BCAR1: variants seen among roughly 807,000 people sequenced by gnomAD.
BCAR1 encodes breast cancer anti-estrogen resistance protein 1.
A neutral mutation model predicts 67.6 loss-of-function variants in BCAR1; 30 were observed. That is an observed-to-expected ratio of 0.44 (90% CI 0.33 to 0.60). The LOEUF (loss-of-function observed/expected upper bound fraction) is 0.60. Among genes scored for constraint, BCAR1 ranks in the 20% least tolerant of loss-of-function variants. The pLI is 0.02. For missense variants in BCAR1, 1,313 were observed against 1,222.3 expected, an observed-to-expected ratio of 1.07 and a Z score of -1.11; for synonymous variants, 626 against 556.7, an observed-to-expected ratio of 1.12 and a Z score of -1.75.
chr16:75,251,741 C>T (rs1051614766), upstream of BCAR1: 12 of 957,304 alleles, frequency 1.3e-5, no homozygotes, highest in African/African-American at 2.1e-4. Context: ...CTGTCGGGGG[C>T]GCGGGCGCGC....
chr16:75,249,982 G>C (rs572061606), intron 1 of BCAR1: 1 of 152,254 alleles, frequency 6.6e-6, no homozygotes, highest in Non-Finnish European at 1.5e-5. Flanking sequence ...CCGTATAATG[G>C]GAAAGGGGTT....
At chr16:75,248,577 G>A in intron 1 of BCAR1, 1 of 182,864 alleles carries the variant, frequency 5.5e-6, no homozygotes, top group South Asian at 1.2e-4. Context: ...TCCAGGACCT[G>A]CCAGCCTTAG....
chr16:75,240,427 G>A (rs1245014277), intron 2 of BCAR1, among the ~76,000 whole-genome samples: 1 of 152,182 alleles, frequency 6.6e-6, no homozygotes, highest in African/African-American at 2.4e-5. Context: ...CCAGCAGAGG[G>A]GGCAACCCAG....
chr16:75,240,518 G>C (rs915974013), intron 2 of BCAR1, among the ~76,000 whole-genome samples: 1 of 152,332 alleles, frequency 6.6e-6, no homozygotes. Flanking sequence ...TTACAACTTT[G>C]AAATGCAAAA....
chr16:75,237,302 C>A lies in BCAR1; in HGVS notation c.676G>T (p.Ala226Ser). 6.6e-7 allele frequency: 1 copy of A among 1,523,006 alleles called. No individual in the cohort carries two copies. Among genetic ancestry groups the A allele is most frequent in the Non-Finnish European group, 8.8e-7 (1 of 1,139,110 alleles). The allele number at this position is 1,523,006 out of a possible 1,614,324, so 94.3% of individuals were successfully genotyped here. ...TACTCGTCCTGCTCCGGCTGGGCGG[C>A]CTCGTATACATAGCCCTGCCCCACG... Reference protein sequence around the residue: ...TRVGQGYVYEAAQPEQDEYDI... With the variant: ...TRVGQGYVYESAQPEQDEYDI... Residue 226 changes from alanine (A) to serine (S), a missense_variant, in exon 3 of 7, where the codon GCC (alanine) becomes TCC (serine). Physicochemically the swap from Ala to Ser is moderately conservative, Grantham distance 99 (BLOSUM62 1). Coordinates refer to ENST00000162330, the MANE Select transcript of BCAR1 (RefSeq NM_014567.5).
chr16:75,243,693 C>A (rs1414647029), intron 1 of BCAR1, among the ~76,000 whole-genome samples: 1 of 152,206 alleles, frequency 6.6e-6, no homozygotes, highest in South Asian at 2.1e-4. Flanking sequence ...CTCAGCAAAC[C>A]CTTGCAGAGC....
At chr16:75,257,850 C>G (rs2077816666) in intron 1 of BCAR1, among the ~76,000 whole-genome samples, 1 of 152,214 alleles carries the variant, frequency 6.6e-6, no homozygotes, top group Non-Finnish European at 1.5e-5. Flanking sequence ...ATAAAGGCTC[C>G]TCTGCCCTGG....
intron 1 of BCAR1, chr16:75,249,284 C>T (rs1314166469): frequency 6.6e-6 from 1 of 152,230 alleles, no homozygotes; most frequent in Non-Finnish European, 1.5e-5. Context: ...CCACCTCCAA[C>T]CCCAACTGTG....
Position 75,251,618 on chromosome 16 carries a change from C to T in BCAR1, c.-136G>A. The T allele has an allele frequency of 9.9e-7, 1 of 1,011,342 alleles. No individual in the cohort carries two copies. Among genetic ancestry groups the T allele is most frequent in the South Asian group, 4.5e-5 (1 of 22,240 alleles). 62.6% of individuals were successfully genotyped at this position (1,011,342 alleles called of 1,614,324 possible). ...CAGCTGCCGCCTCGGCCACCCAGAG[C>T]CGGTCCAGCCGCTCTCCGCCTGCCG... On this transcript the variant is annotated 5_prime_UTR_variant, in exon 1 of 7. Coordinates refer to ENST00000162330, the MANE Select transcript of BCAR1 (RefSeq NM_014567.5).
chr16:75,236,601 G>A, intron 4 of BCAR1: 1 of 505,870 alleles, frequency 2.0e-6, no homozygotes, highest in Non-Finnish European at 3.3e-6. Flanking sequence ...ACTCTTGGAA[G>A]TATCCCAGGT....
exon 1 of BCAR1, chr16:75,267,939 G>C (rs1195148934): frequency 4.4e-6 from 7 of 1,603,260 alleles, no homozygotes; most frequent in Non-Finnish European, 5.1e-6. Context: ...CCTTGGGTGT[G>C]GGCCTGGGGG....
Position 75,243,093 on chromosome 16 carries a change from G to C in BCAR1, c.13-3C>G. 1 of 1,578,630 alleles carries C rather than the reference G, an allele frequency of 6.3e-7. No individual in the cohort carries two copies. Among genetic ancestry groups the C allele is most frequent in the Non-Finnish European group, 8.6e-7 (1 of 1,158,620 alleles). Reference sequence around the variant, plus strand: ...TAGAGCGCTTTGGCCAGCACGTTCTGGGGAGAGAGGACACAGGTGTGAGAA... The same window carrying C: ...TAGAGCGCTTTGGCCAGCACGTTCTCGGGAGAGAGGACACAGGTGTGAGAA... On this transcript the variant is annotated splice_polypyrimidine_tract_variant and splice_region_variant and intron_variant, in intron 1 of 6. Transcript: ENST00000162330.
In BCAR1 at chr16:75,236,920, T is replaced by G; in HGVS notation, c.874A>C (p.Ser292Arg). ...GACGGTGGCAGGCCCTTCTCCACAC[T>G]GGGGGGCACGTCATACACCTCCAGC... is the stretch of plus-strand genomic sequence containing the variant. ...PLLEVYDVPPSVEKGLPPSNH... is the reference protein window; with the variant it reads ...PLLEVYDVPPRVEKGLPPSNH... The change falls in exon 4 of 7, where the codon AGT (serine) becomes CGT (arginine). Residue 292 changes from serine to arginine, a missense_variant. Coordinates refer to ENST00000162330, the MANE Select transcript of BCAR1 (RefSeq NM_014567.5). 1 of 1,611,790 alleles carries G rather than the reference T, an allele frequency of 6.2e-7. No individual in the cohort carries two copies. The highest frequency in any genetic ancestry group is 8.5e-7 in the Non-Finnish European group (1 of 1,179,142).
intron 1 of BCAR1, chr16:75,248,196 C>T (rs944800707): frequency 1.3e-5 from 20 of 1,560,622 alleles, no homozygotes; most frequent in African/African-American, 6.9e-5. Context: ...CGAGGGGTGA[C>T]GCCTGGGTTC....
At chr16:75,249,819 C>G in intron 1 of BCAR1, 1 of 152,212 alleles carries the variant, frequency 6.6e-6, no homozygotes, top group Non-Finnish European at 1.5e-5. Flanking sequence ...ATGGTGGTCC[C>G]CCAAGGACCA....
At chr16:75,254,595 C>T (rs1363932863), upstream of BCAR1, among the ~76,000 whole-genome samples, 1 of 152,226 alleles carries the variant, frequency 6.6e-6, no homozygotes, top group Non-Finnish European at 1.5e-5. Flanking sequence ...TGCGTATACA[C>T]ACAGTGGGAC....
At chr16:75,250,936 G>C (rs2151461211) in intron 1 of BCAR1, 6 of 985,092 alleles carry the variant, frequency 6.1e-6, no homozygotes, top group Non-Finnish European at 7.2e-6. Context: ...CCGGCGGCCG[G>C]AGTGAATCAT....
intron 1 of BCAR1, chr16:75,249,624 T>G (rs2077615294): frequency 1.3e-5 from 2 of 152,266 alleles, no homozygotes; most frequent in Non-Finnish European, 2.9e-5. Context: ...CCCCTGCTGG[T>G]TGGTTCTAGC....
At chr16:75,234,046 T>TGC (rs1567586283) in intron 5 of BCAR1, 111 bp from the exon 6 acceptor site, 2 of 993,284 alleles carry the variant, frequency 2.0e-6, no homozygotes, top group East Asian at 2.6e-5. Flanking sequence ...GTGCTGCGTG[T>TGC]GCGCGCACAC....
Sources: gnomAD v4.1 joint callset for allele counts (sites outside exome capture counted in the v4.1 genomes callset) on GRCh38, gnomAD v4.1.1 for gene constraint, MANE v1.5 for transcripts, NCBI Gene and HGNC (gene_info 2026-07-23, HGNC 2026-07-21) for gene names.